The following C7orf33 variants were observed in gnomAD, a reference collection of about 807,000 sequenced individuals.
The protein encoded by C7orf33 is chromosome 7 open reading frame 33, also known as uncharacterized protein C7orf33.
C7orf33 carries 15 observed loss-of-function variants against 13.4 expected under a neutral mutation model. The ratio of observed to expected loss-of-function variants is 1.12; its 90% CI spans 0.75 to 1.72. The LOEUF is 1.72. Among genes scored for constraint, C7orf33 ranks in the 40% most tolerant of loss-of-function variants. C7orf33 has a pLI of 0.00. For synonymous variants in C7orf33, 73 were observed against 83.2 expected (o/e 0.88, Z 0.67); for missense variants, 187 against 220.3 (o/e 0.85, Z 0.96).
In C7orf33 at chr7:148,601,217, A is replaced by G. The variant is rs181253456; in HGVS notation, c.204+10088A>G. 7.4e-3 allele frequency among the ~76,000 whole-genome samples: 1,127 copies of G among 152,212 alleles called. 9 individuals are homozygous for G. The highest frequency in any genetic ancestry group is 0.026 in the African/African-American group (1,074 of 41,534). Reference sequence around the variant, plus strand: ...ATACTGTTTTGGCGGCTTCCCACCAATTTTAAAAGACGGTGTTTTCATTAT... The same window carrying G: ...ATACTGTTTTGGCGGCTTCCCACCAGTTTTAAAAGACGGTGTTTTCATTAT... On this transcript the variant is annotated intron_variant, in intron 1 of 2. Coordinates refer to ENST00000307003, the MANE Select transcript of C7orf33 (RefSeq NM_145304.4).
Position 148,614,263 on chromosome 7 carries a change from G to C in C7orf33, c.426G>C (p.Lys142Asn). 1 of 1,614,190 alleles carries C rather than the reference G, an allele frequency of 6.2e-7. No homozygotes were observed. The highest frequency in any genetic ancestry group is 8.5e-7 in the Non-Finnish European group (1 of 1,180,034). ...SYLDLLTLSY[K>N]PGRTVTSSYL... ...TAGATCTGCTAACTCTCTCTTACAA[G>C]CCTGGGAGGACAGTGACAAGTTCAT... The change falls in exon 2 of 3, where the codon AAG (lysine) becomes AAC (asparagine). Residue 142 changes from lysine (K) to asparagine (N), a missense_variant. Transcript: ENST00000307003.
chr7:148,599,566 C>G (rs1040377774), intron 1 of C7orf33, among the ~76,000 whole-genome samples: 3 of 151,252 alleles, frequency 2.0e-5, no homozygotes, highest in Non-Finnish European at 4.4e-5. Context: ...CTCCACCTCC[C>G]GGGTTCAAGC....
intron 1 of C7orf33, among the ~76,000 whole-genome samples, chr7:148,610,647 A>T (rs1796526932): frequency 6.6e-6 from 1 of 152,080 alleles, no homozygotes; most frequent in African/African-American, 2.4e-5. Flanking sequence ...GAGGAGGGAG[A>T]TCACTTCTGA....
intron 1 of C7orf33, among the ~76,000 whole-genome samples, chr7:148,598,749 TATATATATATATATAGAGAGAGAGAG>T (rs1454731916): frequency 3.1e-3 from 222 of 71,200 alleles, no homozygotes; most frequent in Middle Eastern, 6.8e-3. Context: ...TATATATATA[TATATATATATATATAGAGAGAGAGAG>T]AGAGAGAGAG....
At chr7:148,592,431 G>C (rs764234120) in intron 1 of C7orf33, among the ~76,000 whole-genome samples, 4 of 152,134 alleles carry the variant, frequency 2.6e-5, no homozygotes, top group Non-Finnish European at 5.9e-5. Flanking sequence ...GTGCTTAAAA[G>C]AAGGTGAGAA....
At chr7:148,594,318 G>A (rs992270474) in intron 1 of C7orf33, among the ~76,000 whole-genome samples, 10 of 151,956 alleles carry the variant, frequency 6.6e-5, no homozygotes, top group Non-Finnish European at 1.5e-4. Flanking sequence ...TGGGACTACA[G>A]GCATCCGCCT....
At chr7:148,595,113 A>G (rs73480310) in intron 1 of C7orf33, among the ~76,000 whole-genome samples, 4,828 of 151,756 alleles carry the variant, frequency 0.032, 122 homozygotes, top group Admixed American at 0.086. Flanking sequence ...TTTTTGAGAC[A>G]GGCTGGAGTG....
At chr7:148,608,709 G>C (rs1796503977) in intron 1 of C7orf33, among the ~76,000 whole-genome samples, 1 of 151,428 alleles carries the variant, frequency 6.6e-6, no homozygotes, top group Admixed American at 6.6e-5. Context: ...CAGCTACTCG[G>C]GGAGGCTGAG....
At chr7:148,597,653 G>A (rs568195916) in intron 1 of C7orf33, among the ~76,000 whole-genome samples, 2 of 152,208 alleles carry the variant, frequency 1.3e-5, no homozygotes, top group South Asian at 4.2e-4. Flanking sequence ...CAGCATACTA[G>A]CCCCATCCTT....
intron 1 of C7orf33, among the ~76,000 whole-genome samples, chr7:148,597,109 C>T (rs921412026): frequency 1.3e-5 from 2 of 151,850 alleles, no homozygotes; most frequent in Non-Finnish European, 2.9e-5. Context: ...ATTATGAATA[C>T]AGCTGCTTAC....
At chr7:148,594,465 C>A (rs918548744) in intron 1 of C7orf33, among the ~76,000 whole-genome samples, 1 of 152,060 alleles carries the variant, frequency 6.6e-6, no homozygotes, top group Non-Finnish European at 1.5e-5. Context: ...CGTGAACCAC[C>A]GCGCCCGACC....
intron 1 of C7orf33, among the ~76,000 whole-genome samples, chr7:148,593,354 C>G (rs1796290298): frequency 6.6e-6 from 1 of 152,172 alleles, no homozygotes; most frequent in South Asian, 2.1e-4. Flanking sequence ...CATCCGCCTC[C>G]TGGATTCAAG....
intron 1 of C7orf33, among the ~76,000 whole-genome samples, chr7:148,610,783 G>C (rs541706117): frequency 6.6e-6 from 1 of 152,208 alleles, no homozygotes; most frequent in East Asian, 1.9e-4. Flanking sequence ...GGCAGGGCTA[G>C]TTAAAAAACA....
chr7:148,599,243 T>C (rs1796386220), intron 1 of C7orf33, among the ~76,000 whole-genome samples: 1 of 152,140 alleles, frequency 6.6e-6, no homozygotes, highest in South Asian at 2.1e-4. Context: ...TAGTACCTAA[T>C]ATCGTAGTGT....
At chr7:148,610,538 G>T (rs1796525962) in intron 1 of C7orf33, among the ~76,000 whole-genome samples, 1 of 152,054 alleles carries the variant, frequency 6.6e-6, no homozygotes. Context: ...TTGTGAGCAT[G>T]TGAGTTATTA....
At chr7:148,601,800 T>C (rs1796419091) in intron 1 of C7orf33, among the ~76,000 whole-genome samples, 1 of 152,132 alleles carries the variant, frequency 6.6e-6, no homozygotes. Flanking sequence ...CAGGCTAGAA[T>C]ACAGTGTTGG....
At position 148,615,500 on chromosome 7, in the gene C7orf33, A is replaced by G. The variant is rs1262388061; in HGVS notation, c.*99A>G. On this transcript the variant is annotated 3_prime_UTR_variant, in exon 3 of 3. Coordinates refer to ENST00000307003, the MANE Select transcript of C7orf33 (RefSeq NM_145304.4). ...AGAAATAGCTGAAGTTCTGGAAATA[A>G]CAGTTGATGAAAACTTGGTAATCTG... The G allele has an allele frequency of 7.7e-6, 6 of 775,814 alleles. No individual in the cohort carries two copies. Among genetic ancestry groups the G allele is most frequent in the East Asian group, 2.7e-5 (1 of 37,426 alleles). 48.1% of individuals were successfully genotyped at this position (775,814 alleles called of 1,614,324 possible).
intron 1 of C7orf33, among the ~76,000 whole-genome samples, chr7:148,605,971 A>T (rs1796468913): frequency 6.6e-6 from 1 of 152,226 alleles, no homozygotes; most frequent in Non-Finnish European, 1.5e-5. Flanking sequence ...TGGGTGGTTT[A>T]TAGGATAAAC....
chr7:148,614,309 G>A lies in C7orf33; in HGVS notation c.459+13G>A. ...TTCATACCTAAACGTAAGCTCCGAA[G>A]TGTCTTAGCACCTCCAAGTTTAAGG... is the stretch of plus-strand genomic sequence containing the variant. On this transcript the variant is annotated intron_variant, in intron 2 of 2. Coordinates refer to ENST00000307003, the MANE Select transcript of C7orf33 (RefSeq NM_145304.4). 6.2e-7 allele frequency: 1 copy of A among 1,612,836 alleles called. No homozygotes were observed. The highest frequency in any genetic ancestry group is 1.7e-5 in the Admixed American group (1 of 59,988).
Sources: gnomAD v4.1 joint callset for allele counts (sites outside exome capture counted in the v4.1 genomes callset) on GRCh38, gnomAD v4.1.1 for gene constraint, MANE v1.5 for transcripts, NCBI Gene and HGNC (gene_info 2026-07-23, HGNC 2026-07-21) for gene names.